The following SYT16 variants were observed in gnomAD, a reference collection of about 807,000 sequenced individuals.
SYT16 encodes synaptotagmin 16, also known as synaptotagmin-16.
A neutral mutation model predicts 61.4 loss-of-function variants in SYT16; 42 were observed. The ratio of observed to expected loss-of-function variants is 0.68; its 90% confidence interval spans 0.53 to 0.89. The LOEUF is 0.89. Among genes scored for constraint, SYT16 ranks in the 40% least tolerant of loss-of-function variants. The probability of loss-of-function intolerance (pLI) is 0.00; values close to 1 mark genes in which losing one functional copy is unlikely to be tolerated. For missense variants in SYT16, 804 were observed against 807.3 expected, an observed-to-expected ratio of 1.00 and a Z score of 0.05; for synonymous variants, 314 against 302.3, an observed-to-expected ratio of 1.04 and a Z score of -0.40.
chr14:61,822,579 A>C (rs570943411), intron 1 of SYT16, among the ~76,000 whole-genome samples: 2 of 152,164 alleles, frequency 1.3e-5, no homozygotes, highest in Non-Finnish European at 2.9e-5. Flanking sequence ...CTTCTTTCCA[A>C]CCTGAGAGCT....
At chr14:61,962,413 A>C (rs1247618642) in intron 1 of SYT16, among the ~76,000 whole-genome samples, 1 of 151,968 alleles carries the variant, frequency 6.6e-6, no homozygotes, top group Non-Finnish European at 1.5e-5. Context: ...TGAATGTGAC[A>C]TGTGGCTTTT....
intron 1 of SYT16, among the ~76,000 whole-genome samples, chr14:61,838,265 T>C (rs1049477797): frequency 1.3e-5 from 2 of 152,206 alleles, no homozygotes; most frequent in East Asian, 1.9e-4. Flanking sequence ...TCCCACTCCA[T>C]AGGATAATAT....
intron 1 of SYT16, among the ~76,000 whole-genome samples, chr14:61,847,604 G>A (rs529663755): frequency 6.6e-6 from 1 of 151,966 alleles, no homozygotes; most frequent in Admixed American, 6.6e-5. Flanking sequence ...TCTTTCTCTA[G>A]GTTTGGGAAG....
intron 7 of SYT16, among the ~76,000 whole-genome samples, chr14:62,087,542 G>A (rs2056928099): frequency 6.6e-6 from 1 of 152,312 alleles, no homozygotes; most frequent in African/African-American, 2.4e-5. Flanking sequence ...AATAGGTTGA[G>A]CCTGAGTGTT....
Position 61,996,561 on chromosome 14 carries a change from A to G in SYT16, c.523+19A>G, listed in dbSNP as rs1595111926. The G allele has an allele frequency of 1.9e-6, 3 of 1,566,292 alleles. No homozygotes were observed. In the African/African-American group the frequency reaches 4.1e-5, roughly 21 times the overall value. ...AAGCAAGGTAAGCTAGCCAGTCATCATTTTCTCTGCGTTCCTCCAAAGAGC... is the reference window on the plus strand; with the variant it reads ...AAGCAAGGTAAGCTAGCCAGTCATCGTTTTCTCTGCGTTCCTCCAAAGAGC... On this transcript the variant is annotated intron_variant, in intron 3 of 7. Coordinates refer to ENST00000683842, the MANE Select transcript of SYT16 (RefSeq NM_001367656.1).
At chr14:61,897,144 G>A (rs2048352356) in intron 1 of SYT16, 1 of 152,194 alleles carries the variant, frequency 6.6e-6, no homozygotes. Flanking sequence ...ATGCTTACTT[G>A]TTTACGTATT....
upstream of SYT16, chr14:61,812,255 C>G (rs903905755): frequency 6.6e-6 from 1 of 152,490 alleles, no homozygotes; most frequent in Non-Finnish European, 1.5e-5. Flanking sequence ...CTCATCCTCC[C>G]CACACCCCTA....
chr14:61,857,751 C>G (rs771572397), intron 1 of SYT16, among the ~76,000 whole-genome samples: 17 of 152,028 alleles, frequency 1.1e-4, no homozygotes, highest in Non-Finnish European at 2.1e-4. Flanking sequence ...GGAACAGTGT[C>G]TTTGAGTAGA....
chr14:61,931,451 C>T (rs1048983802), intron 1 of SYT16, among the ~76,000 whole-genome samples: 5 of 152,150 alleles, frequency 3.3e-5, no homozygotes, highest in African/African-American at 7.2e-5. Context: ...AAGTCCACAA[C>T]GAAGACACTC....
intron 1 of SYT16, among the ~76,000 whole-genome samples, chr14:61,820,991 T>C (rs1006434765): frequency 6.6e-6 from 1 of 152,164 alleles, no homozygotes; most frequent in Non-Finnish European, 1.5e-5. Flanking sequence ...TGACATTCCC[T>C]GTCTCTCTTG....
intron 5 of SYT16, chr14:62,079,389 T>C: frequency 8.2e-7 from 1 of 1,222,928 alleles, no homozygotes; most frequent in Middle Eastern, 2.2e-4. Context: ...GTCTACTGTC[T>C]GTCAAGTCCT....
intron 1 of SYT16, among the ~76,000 whole-genome samples, chr14:61,953,933 G>C (rs1404970196): frequency 6.6e-6 from 1 of 152,176 alleles, no homozygotes; most frequent in African/African-American, 2.4e-5. Flanking sequence ...GACTTCTGCT[G>C]CATGACTGTT....
intron 1 of SYT16, among the ~76,000 whole-genome samples, chr14:61,947,101 G>T (rs1221257610): frequency 1.3e-5 from 2 of 152,142 alleles, no homozygotes; most frequent in African/African-American, 2.4e-5. Context: ...CTGCTGCAAA[G>T]AGTGGATGCT....
intron 1 of SYT16, among the ~76,000 whole-genome samples, chr14:61,817,516 A>G (rs544042778): frequency 6.6e-6 from 1 of 152,332 alleles, no homozygotes; most frequent in Non-Finnish European, 1.5e-5. Context: ...CTGTGCCACA[A>G]ATGTATAACC....
intron 3 of SYT16, among the ~76,000 whole-genome samples, chr14:62,054,519 C>T (rs1218630582): frequency 1.3e-5 from 2 of 152,118 alleles, no homozygotes; most frequent in South Asian, 2.1e-4. Context: ...TGCCACCACG[C>T]TCAGCTAATT....
In SYT16 at chr14:62,027,385, G is replaced by A. The variant is rs1051172178; in HGVS notation, c.523+30843G>A. ...AGAGCCCAAGAAGAGAGATGGAGAG[G>A]AACCTCAGTTTCTGGTTGGTAGCTC... On this transcript the variant is annotated intron_variant, in intron 3 of 7. Coordinates refer to ENST00000683842, the MANE Select transcript of SYT16 (RefSeq NM_001367656.1). Among the ~76,000 whole-genome samples, 6 of 152,192 alleles carry A rather than the reference G, an allele frequency of 3.9e-5. No homozygotes were observed. The South Asian group carries it at 1.2e-3, about 32-fold the overall frequency.
At chr14:61,872,283 T>C (rs1246473256) in intron 1 of SYT16, among the ~76,000 whole-genome samples, 1 of 152,208 alleles carries the variant, frequency 6.6e-6, no homozygotes, top group African/African-American at 2.4e-5. Context: ...AGAGTACATA[T>C]ATAATGTTTT....
chr14:62,038,875 A>C (rs1170446816), intron 3 of SYT16, among the ~76,000 whole-genome samples: 1 of 152,216 alleles, frequency 6.6e-6, no homozygotes, highest in East Asian at 1.9e-4. Flanking sequence ...TATATGTAAC[A>C]TGAGGAGCAC....
chr14:61,890,218 G>C lies in SYT16; in HGVS notation c.-325+77408G>C, dbSNP rs199919283. 2.0e-5 allele frequency among the ~76,000 whole-genome samples: 3 copies of C among 152,180 alleles called. No individual in the cohort carries two copies. The East Asian group carries it at 5.8e-4, about 29-fold the overall frequency. ...AAAGGCTGGGAGCTTCTGGGCTGTG[G>C]GTAGTTTGGGTTGGTTGTTGGAGGG... On this transcript the variant is annotated intron_variant, in intron 1 of 7. Coordinates refer to ENST00000683842, the MANE Select transcript of SYT16 (RefSeq NM_001367656.1).
Sources: gnomAD v4.1 joint callset for allele counts (sites outside exome capture counted in the v4.1 genomes callset) on GRCh38, gnomAD v4.1.1 for gene constraint, MANE v1.5 for transcripts, NCBI Gene and HGNC (gene_info 2026-07-23, HGNC 2026-07-21) for gene names.